Variants in VTI1A observed in about 807,000 individuals in gnomAD.
VTI1A encodes the protein vesicle transport through interaction with t-SNAREs homolog 1A.
A neutral mutation model predicts 34.9 loss-of-function variants in VTI1A; 22 were observed. The ratio of observed to expected loss-of-function variants is 0.63; its 90% CI spans 0.45 to 0.90. VTI1A has a LOEUF of 0.90. Among genes scored for constraint, VTI1A ranks in the 40% least tolerant of loss-of-function variants. The pLI is 0.00. For synonymous variants in VTI1A, 87 were observed against 97.3 expected, an observed-to-expected ratio of 0.89 and a Z score of 0.62; for missense variants, 268 against 275.6, an observed-to-expected ratio of 0.97 and a Z score of 0.20.
chr10:112,811,441 T>A lies in VTI1A; in HGVS notation c.561-3849T>A, dbSNP rs1590207354. On this transcript the variant is annotated intron_variant, in intron 7 of 7. Transcript: ENST00000393077. The stretch of plus-strand genomic sequence containing the variant: ...CGGGCGCGGTGGCTCACGCCTGTAA[T>A]CCCAGCACTTTGGGAGGCCGAGGCG... 2.6e-5 allele frequency among the ~76,000 whole-genome samples: 4 copies of A among 152,200 alleles called. No homozygotes were observed. In the South Asian group the frequency reaches 8.3e-4, roughly 32 times the overall value.
At chr10:112,572,694 CGGGCGCGGTGGCG>C (rs1852179492) in intron 5 of VTI1A, among the ~76,000 whole-genome samples, 1 of 151,966 alleles carries the variant, frequency 6.6e-6, no homozygotes, top group Non-Finnish European at 1.5e-5. Flanking sequence ...AAAAATTAGC[CGGGCGCGGTGGCG>C]GGCGCCTGTA....
At chr10:112,673,315 C>CAAAAAAA (rs745306451) in intron 7 of VTI1A, among the ~76,000 whole-genome samples, 2 of 68,908 alleles carry the variant, frequency 2.9e-5, no homozygotes, top group Non-Finnish European at 5.9e-5. Context: ...GACTCCATCT[C>CAAAAAAA]AAAAAAAAAA....
intron 3 of VTI1A, among the ~76,000 whole-genome samples, chr10:112,496,002 C>T (rs1186566319): frequency 3.3e-5 from 5 of 152,130 alleles, no homozygotes; most frequent in Admixed American, 6.5e-5. Context: ...TGATGGTCAC[C>T]GTTAACCTTG....
intron 3 of VTI1A, among the ~76,000 whole-genome samples, chr10:112,477,015 A>G (rs1016472700): frequency 1.3e-5 from 2 of 152,212 alleles, no homozygotes; most frequent in South Asian, 2.1e-4. Context: ...GAGTTTTGCT[A>G]TGTCAACTAT....
chr10:112,833,617 A>G, the VTI1A span, among the ~76,000 whole-genome samples: 1 of 152,170 alleles, frequency 6.6e-6, no homozygotes, highest in South Asian at 2.1e-4. Context: ...TTACGATGCA[A>G]ATACCTTTGC....
chr10:112,754,948 A>C (rs926638566), intron 7 of VTI1A, among the ~76,000 whole-genome samples: 31 of 152,200 alleles, frequency 2.0e-4, no homozygotes, highest in Non-Finnish European at 1.5e-5. Flanking sequence ...AAAGGTTTCC[A>C]AGGCTGTTCA....
At chr10:112,546,071 T>C (rs61874591) in intron 5 of VTI1A, among the ~76,000 whole-genome samples, 2,264 of 148,078 alleles carry the variant, frequency 0.015, 55 homozygotes, top group Non-Finnish European at 0.022. Flanking sequence ...TATGTGTGTG[T>C]ATATACGTGT....
chr10:112,772,136 C>T (rs541201660), intron 7 of VTI1A, among the ~76,000 whole-genome samples: 1 of 152,320 alleles, frequency 6.6e-6, no homozygotes, highest in African/African-American at 2.4e-5. Context: ...AAACTGCTTT[C>T]CAAAGCAGCT....
At chr10:112,663,007 G>T (rs7093793) in intron 5 of VTI1A, among the ~76,000 whole-genome samples, 31,145 of 152,054 alleles carry the variant, frequency 0.2, 4,101 homozygotes, top group African/African-American at 0.37. Flanking sequence ...AGATATTTTT[G>T]GGTTCACCTT....
chr10:112,545,852 T>G (rs1039725862), intron 5 of VTI1A, among the ~76,000 whole-genome samples: 3 of 152,008 alleles, frequency 2.0e-5, no homozygotes, highest in Non-Finnish European at 4.4e-5. Flanking sequence ...CGTGTGTTTG[T>G]GGCTGTGTGT....
chr10:112,510,019 C>T (rs576046678), intron 3 of VTI1A, among the ~76,000 whole-genome samples: 1 of 152,302 alleles, frequency 6.6e-6, no homozygotes, highest in South Asian at 2.1e-4. Flanking sequence ...CCAAAATCTT[C>T]TGTGTTCTTT....
chr10:112,576,901 C>G (rs1396324778), intron 5 of VTI1A, among the ~76,000 whole-genome samples: 1 of 152,152 alleles, frequency 6.6e-6, no homozygotes, highest in Non-Finnish European at 1.5e-5. Context: ...TGAAACAATA[C>G]TTAGCCTTGC....
chr10:112,630,850 G>T (rs550906594), intron 5 of VTI1A, among the ~76,000 whole-genome samples: 5 of 152,156 alleles, frequency 3.3e-5, no homozygotes, highest in Non-Finnish European at 7.4e-5. Context: ...AGCCAAGTGC[G>T]GTGGCTCATG....
intron 5 of VTI1A, among the ~76,000 whole-genome samples, chr10:112,542,291 TGTCCCACCG>T (rs1349160126): frequency 6.6e-6 from 1 of 152,174 alleles, no homozygotes; most frequent in Non-Finnish European, 1.5e-5. Context: ...CCCTCCCAAC[TGTCCCACCG>T]GTACTGTAGA....
intron 5 of VTI1A, among the ~76,000 whole-genome samples, chr10:112,558,474 A>G (rs1413523325): frequency 6.6e-6 from 1 of 152,216 alleles, no homozygotes; most frequent in Admixed American, 6.5e-5. Flanking sequence ...CTGTGTAGCC[A>G]TTACTTTAGG....
At position 112,742,824 on chromosome 10, in the gene VTI1A, A is replaced by AGAC. The variant is rs967839163; in HGVS notation, c.561-72464_561-72463insCGA. On this transcript the variant is annotated intron_variant, in intron 7 of 7. Transcript: ENST00000393077. Reference sequence around the variant, plus strand: ...GTACTACTTCCTTCCATTTAAGGGGAGAGTTACAAAAAGCTATGATAAATG... The same window carrying AGAC: ...GTACTACTTCCTTCCATTTAAGGGGAGACGAGTTACAAAAAGCTATGATAAATG... Among the ~76,000 whole-genome samples the AGAC allele has an allele frequency of 2.6e-5, 4 of 152,290 alleles. No individual in the cohort carries two copies. In the East Asian group the frequency reaches 7.7e-4, roughly 29 times the overall value.
intron 5 of VTI1A, among the ~76,000 whole-genome samples, chr10:112,541,235 T>TA (rs1850857563): frequency 6.6e-6 from 1 of 152,194 alleles, no homozygotes; most frequent in African/African-American, 2.4e-5. Flanking sequence ...TATAGCCTGA[T>TA]ATACTGAATT....
chr10:112,814,436 A>G (rs1350698578), intron 7 of VTI1A, among the ~76,000 whole-genome samples: 1 of 152,170 alleles, frequency 6.6e-6, no homozygotes, highest in Non-Finnish European at 1.5e-5. Context: ...GAAACTCTCA[A>G]CAAAGCATTC....
intron 3 of VTI1A, among the ~76,000 whole-genome samples, chr10:112,496,367 C>T (rs1250474507): frequency 1.3e-5 from 2 of 152,004 alleles, no homozygotes; most frequent in African/African-American, 2.4e-5. Flanking sequence ...GTCAGGAGTT[C>T]AAGACCAGCC....
Sources: gnomAD v4.1 joint callset for allele counts (sites outside exome capture counted in the v4.1 genomes callset) on GRCh38, gnomAD v4.1.1 for gene constraint, MANE v1.5 for transcripts, NCBI Gene and HGNC (gene_info 2026-07-23, HGNC 2026-07-21) for gene names.